ADAM22: variants seen among roughly 807,000 people sequenced by gnomAD.
ADAM22 encodes the protein ADAM metallopeptidase domain 22.
ADAM22 carries 65 observed loss-of-function variants against 144.6 expected under a neutral mutation model. The ratio of observed to expected loss-of-function variants is 0.45; its 90% CI spans 0.37 to 0.55. ADAM22 has a LOEUF of 0.55. ADAM22 is among the 20% of genes least tolerant of loss of function. The probability of loss-of-function intolerance (pLI) is 0.00; values close to 1 mark genes in which losing one functional copy is unlikely to be tolerated. For missense variants in ADAM22, 974 were observed against 1,184.9 expected, an observed-to-expected ratio of 0.82 and a Z score of 2.61; for synonymous variants, 391 against 412.6, an observed-to-expected ratio of 0.95 and a Z score of 0.63.
chr7:87,939,661 A>G (rs1322621075), intron 2 of ADAM22, among the ~76,000 whole-genome samples: 1 of 152,224 alleles, frequency 6.6e-6, no homozygotes, highest in Non-Finnish European at 1.5e-5. Flanking sequence ...AGTAAGCACT[A>G]TATGAGTCTT....
intron 17 of ADAM22, among the ~76,000 whole-genome samples, chr7:88,146,637 C>G (rs1004214419): frequency 5.9e-5 from 9 of 152,212 alleles, no homozygotes; most frequent in Admixed American, 5.2e-4. Context: ...TGGTGGAGAC[C>G]ACTCTCTGAG....
At chr7:88,156,578 A>G (rs562674267) in intron 22 of ADAM22, among the ~76,000 whole-genome samples, 1 of 152,158 alleles carries the variant, frequency 6.6e-6, no homozygotes, top group Non-Finnish European at 1.5e-5. Context: ...AATTGGCAGC[A>G]TCATCTACTT....
At chr7:88,173,134 A>T (rs898961186) in intron 26 of ADAM22, among the ~76,000 whole-genome samples, 22 of 152,162 alleles carry the variant, frequency 1.4e-4, no homozygotes, top group African/African-American at 5.1e-4. Context: ...CCCACACTTT[A>T]AAAAAATGAT....
chr7:88,151,172 A>G (rs1479954239), intron 19 of ADAM22, 85 bp from the exon 20 acceptor site: 4 of 1,568,634 alleles, frequency 2.5e-6, no homozygotes, highest in East Asian at 2.2e-5. Context: ...TTCATCTATT[A>G]TTTTTCCCAA....
At chr7:88,123,440 A>G (rs1829760208) in intron 7 of ADAM22, among the ~76,000 whole-genome samples, 1 of 152,082 alleles carries the variant, frequency 6.6e-6, no homozygotes, top group South Asian at 2.1e-4. Flanking sequence ...AGGATTATTC[A>G]GATTTTCTAT....
In ADAM22 at chr7:88,193,165, T is replaced by C; in HGVS notation, c.2800T>C (p.Ser934Pro). 4 of 1,614,120 alleles carry C rather than the reference T, an allele frequency of 2.5e-6. No homozygotes were observed. The highest frequency in any genetic ancestry group is 3.4e-6 in the Non-Finnish European group (4 of 1,179,980). ...TTCTTCATCAACTGGGTCTATTGCC[T>C]CCAGCAGAAAATACCCTTACCCAAT... ...SPSSSTGSIA[S>P]SRKYPYPMPP... The change falls in exon 31 of 32, where the codon TCC becomes CCC. Residue 934 changes from serine to proline, a missense_variant. Physicochemically the swap from Ser to Pro is moderately conservative, Grantham distance 74. Around this residue, in one of 2 missense-constraint regions of ADAM22, gnomAD observed 734 missense variants for 950.6 expected, o/e 0.77. Transcript: ENST00000413139.
intron 22 of ADAM22, among the ~76,000 whole-genome samples, chr7:88,158,663 G>A (rs1444979035): frequency 1.3e-5 from 2 of 152,014 alleles, no homozygotes; most frequent in African/African-American, 4.8e-5. Context: ...TGACTTTTAG[G>A]TAAATAATGA....
chr7:88,053,878 C>T (rs188205092), intron 3 of ADAM22, among the ~76,000 whole-genome samples: 2 of 152,100 alleles, frequency 1.3e-5, no homozygotes, highest in African/African-American at 2.4e-5. Flanking sequence ...TGCCTGTAAT[C>T]GCAGCACTTT....
chr7:88,196,423 T>C, intron 31 of ADAM22, 48 bp from the exon 32 acceptor site: 2 of 1,609,446 alleles, frequency 1.2e-6, no homozygotes, highest in East Asian at 2.2e-5. Context: ...AGAATACATC[T>C]GCTTCCTGCT....
intron 3 of ADAM22, among the ~76,000 whole-genome samples, chr7:88,041,338 C>T (rs537252169): frequency 5.0e-4 from 76 of 151,832 alleles, no homozygotes; most frequent in African/African-American, 1.7e-3. Flanking sequence ...TAATTATTTG[C>T]GGAAGTTAAA....
intron 4 of ADAM22, among the ~76,000 whole-genome samples, chr7:88,091,396 G>T (rs879693253): frequency 2.0e-4 from 30 of 152,190 alleles, no homozygotes; most frequent in Middle Eastern, 3.4e-3. Context: ...TCCTATAAGT[G>T]CTCACTTTAA....
At chr7:88,083,635 ATG>A (rs1817596407) in intron 4 of ADAM22, among the ~76,000 whole-genome samples, 5 of 71,164 alleles carry the variant, frequency 7.0e-5, no homozygotes, top group African/African-American at 2.7e-4. Context: ...GTGTGTGTGT[ATG>A]TGTAGTATTT....
At chr7:88,086,004 G>C (rs1469741342) in intron 4 of ADAM22, among the ~76,000 whole-genome samples, 1 of 152,062 alleles carries the variant, frequency 6.6e-6, no homozygotes, top group South Asian at 2.1e-4. Context: ...GTGAAACCCC[G>C]TCTCTACTAA....
intron 21 of ADAM22, among the ~76,000 whole-genome samples, chr7:88,153,537 A>T (rs1340137951): frequency 6.6e-6 from 1 of 152,170 alleles, no homozygotes; most frequent in Admixed American, 6.5e-5. Context: ...CCCAGGTCAT[A>T]CTTGCCCCCA....
intron 17 of ADAM22, among the ~76,000 whole-genome samples, chr7:88,146,179 A>G (rs1184183033): frequency 6.6e-6 from 1 of 152,188 alleles, no homozygotes; most frequent in Non-Finnish European, 1.5e-5. Context: ...GTAATAGTCT[A>G]CGTTATTTCT....
intron 3 of ADAM22, among the ~76,000 whole-genome samples, chr7:88,043,189 CTG>C (rs1803589642): frequency 6.6e-6 from 1 of 151,812 alleles, no homozygotes; most frequent in African/African-American, 2.4e-5. Flanking sequence ...ATTTTATTAA[CTG>C]TATATATTAG....
chr7:87,952,143 T>A (rs1845394449), intron 2 of ADAM22, among the ~76,000 whole-genome samples: 1 of 151,986 alleles, frequency 6.6e-6, no homozygotes, highest in African/African-American at 2.4e-5. Flanking sequence ...TTCCTTCTTC[T>A]GCCTAATTGC....
chr7:88,185,622 C>CTACATTATTT (rs1255092269), intron 29 of ADAM22, among the ~76,000 whole-genome samples: 46 of 152,112 alleles, frequency 3.0e-4, no homozygotes, highest in African/African-American at 1.1e-3. Context: ...TTTGTTAAAT[C>CTACATTATTT]TACATTATTT....
chr7:87,963,442 T>TA lies in ADAM22; in HGVS notation c.247-14886dup, dbSNP rs573132607. Among the ~76,000 whole-genome samples, 271 of 152,096 alleles carry TA rather than the reference T, an allele frequency of 1.8e-3. 1 individual carries two copies. Among genetic ancestry groups the TA allele is most frequent in the African/African-American group, 4.7e-3 (194 of 41,496 alleles). Reference sequence around the variant, plus strand: ...ATTTGCCTCAGAGCAACAAGAAGTTTAAAAAAAACTATTATAAAATATAGA... The same window carrying TA: ...ATTTGCCTCAGAGCAACAAGAAGTTTAAAAAAAAACTATTATAAAATATAGA... On this transcript the variant is annotated intron_variant, in intron 2 of 31. Coordinates refer to ENST00000413139, the MANE Select transcript of ADAM22 (RefSeq NM_001324418.2).
Sources: allele counts gnomAD v4.1 joint callset (sites outside exome capture counted in the v4.1 genomes callset), GRCh38; gene constraint gnomAD v4.1.1; regional missense constraint gnomAD v4.1.1; transcripts MANE v1.5; gene names NCBI Gene and HGNC (gene_info 2026-07-23, HGNC 2026-07-21).